KCNH5: variants seen among roughly 807,000 people sequenced by gnomAD.
The protein encoded by KCNH5 is potassium voltage-gated channel subfamily H member 5, also known as voltage-gated delayed rectifier potassium channel KCNH5.
A neutral mutation model predicts 96.1 loss-of-function variants in KCNH5; 46 were observed. That is an observed-to-expected ratio of 0.48 (90% CI 0.38 to 0.61). The LOEUF (loss-of-function observed/expected upper bound fraction) is 0.61. Among genes scored for constraint, KCNH5 ranks in the 20% least tolerant of loss-of-function variants. The pLI, the probability that KCNH5 is intolerant of heterozygous loss-of-function variation, is 0.00. For missense variants in KCNH5, 907 were observed against 1,225.8 expected, an observed-to-expected ratio of 0.74 and a Z score of 3.88; for synonymous variants, 439 against 449.8, an observed-to-expected ratio of 0.98 and a Z score of 0.30.
intron 8 of KCNH5, among the ~76,000 whole-genome samples, chr14:62,818,262 G>C (rs1239559794): frequency 6.6e-6 from 1 of 151,966 alleles, no homozygotes; most frequent in East Asian, 1.9e-4. Context: ...GTAACTGTGT[G>C]AGATGATAGA....
At chr14:62,979,334 C>A (rs1035510751) in intron 6 of KCNH5, among the ~76,000 whole-genome samples, 4 of 151,678 alleles carry the variant, frequency 2.6e-5, no homozygotes, top group African/African-American at 4.8e-5. Flanking sequence ...GGACTCAAAA[C>A]TTGGAAAATG....
chr14:62,762,552 C>A (rs116023426), intron 10 of KCNH5, among the ~76,000 whole-genome samples: 5,555 of 152,188 alleles, frequency 0.037, 152 homozygotes, highest in African/African-American at 0.073. Context: ...CATGTGCAAA[C>A]CTCACCACCA....
chr14:62,757,905 G>A (rs1885658674), intron 10 of KCNH5, among the ~76,000 whole-genome samples: 1 of 152,126 alleles, frequency 6.6e-6, no homozygotes, highest in South Asian at 2.1e-4. Flanking sequence ...CAGCACTTCG[G>A]GAGGCTACGG....
At chr14:63,041,994 A>G (rs1437741919) in intron 1 of KCNH5, among the ~76,000 whole-genome samples, 3 of 152,078 alleles carry the variant, frequency 2.0e-5, no homozygotes, top group African/African-American at 7.2e-5. Context: ...TTTTTGTTTC[A>G]CATCATCAAA....
intron 10 of KCNH5, among the ~76,000 whole-genome samples, chr14:62,722,880 G>T (rs534677234): frequency 1.2e-4 from 18 of 152,158 alleles, no homozygotes; most frequent in Non-Finnish European, 2.2e-4. Context: ...GCCGAGCTCT[G>T]ACTGAAACCC....
chr14:62,907,802 G>A lies in KCNH5; in HGVS notation c.1369+42331C>T, dbSNP rs561930425. Among the ~76,000 whole-genome samples the A allele has an allele frequency of 3.3e-4, 50 of 152,210 alleles. 1 individual carries two copies. The highest frequency in any genetic ancestry group is 3.0e-3 in the Admixed American group (46 of 15,294). On this transcript the variant is annotated intron_variant, in intron 7 of 10. Transcript: ENST00000322893. ...TGGAGCGGCAAGTGACAAGCACAAA[G>A]CAGAGCAGCATGTGCAACTTGCTCT...
chr14:62,930,960 A>AG (rs1375831954), intron 7 of KCNH5, among the ~76,000 whole-genome samples: 3 of 152,156 alleles, frequency 2.0e-5, no homozygotes, highest in Admixed American at 2.0e-4. Flanking sequence ...CAACCTACAT[A>AG]ATGACACAGT....
In KCNH5 at chr14:62,702,543, T is replaced by C. The variant is rs1198742855; in HGVS notation, c.*4965A>G. ...TGGACAAGTTCCTTAACCTATACCT[T>C]CATGGGGTTGCTGCAAGAATTAAAT... On this transcript the variant is annotated 3_prime_UTR_variant, in exon 11 of 11. Coordinates refer to ENST00000322893, the MANE Select transcript of KCNH5 (RefSeq NM_139318.5). The C allele has an allele frequency of 2.6e-5, 4 of 151,958 alleles. No homozygotes were observed. Among genetic ancestry groups the C allele is most frequent in the African/African-American group, 9.7e-5 (4 of 41,422 alleles). 9.4% of individuals were successfully genotyped at this position (151,958 alleles called of 1,614,324 possible).
At chr14:62,802,790 C>T (rs1886691183) in intron 8 of KCNH5, among the ~76,000 whole-genome samples, 1 of 152,094 alleles carries the variant, frequency 6.6e-6, no homozygotes, top group South Asian at 2.1e-4. Context: ...AGCATATGGA[C>T]CATGACAATG....
At chr14:62,764,876 A>G (rs1204576816) in intron 10 of KCNH5, among the ~76,000 whole-genome samples, 1 of 152,236 alleles carries the variant, frequency 6.6e-6, no homozygotes, top group African/African-American at 2.4e-5. Flanking sequence ...CAGAAATGAT[A>G]CAAACAAATG....
At chr14:62,994,643 C>A (rs1163933993) in intron 4 of KCNH5, among the ~76,000 whole-genome samples, 1 of 151,954 alleles carries the variant, frequency 6.6e-6, no homozygotes, top group East Asian at 1.9e-4. Context: ...GTATTCTCAA[C>A]CTGTGCTTCA....
Position 63,016,901 on chromosome 14 carries a change from T to C in KCNH5, c.127A>G (p.Ser43Gly). The change falls in exon 2 of 11, where the codon AGT (serine) becomes GGT (glycine). Residue 43 changes from serine (S) to glycine (G), a missense_variant. Transcript: ENST00000322893. ...AQIVDWPVVYSNDGFCKLSGY... is the reference protein window; with the variant it reads ...AQIVDWPVVYGNDGFCKLSGY... ...GAGAGTTTACAAAAACCGTCATTAC[T>C]ATAAACTACAGGCCAATCCACAATC... 3 of 1,610,690 alleles carry C rather than the reference T, an allele frequency of 1.9e-6. No homozygotes were observed. Among genetic ancestry groups the C allele is most frequent in the Non-Finnish European group, 2.5e-6 (3 of 1,178,046 alleles).
At chr14:62,741,648 G>A (rs1885273406) in intron 10 of KCNH5, among the ~76,000 whole-genome samples, 3 of 152,052 alleles carry the variant, frequency 2.0e-5, no homozygotes, top group African/African-American at 7.2e-5. Context: ...TATTGCCACA[G>A]AGAGAGAAAG....
chr14:62,965,070 A>AAT (rs946719181), intron 6 of KCNH5, among the ~76,000 whole-genome samples: 53 of 152,080 alleles, frequency 3.5e-4, no homozygotes, highest in African/African-American at 8.9e-4. Flanking sequence ...GGAGTACCTC[A>AAT]ATATATATAT....
chr14:62,792,727 C>G (rs1886459495), intron 9 of KCNH5, among the ~76,000 whole-genome samples: 1 of 151,556 alleles, frequency 6.6e-6, no homozygotes, highest in South Asian at 2.1e-4. Context: ...CTACCTCATT[C>G]AATTAACGAA....
chr14:63,037,776 A>T (rs1891750316), intron 1 of KCNH5, among the ~76,000 whole-genome samples: 1 of 152,190 alleles, frequency 6.6e-6, no homozygotes, highest in Non-Finnish European at 1.5e-5. Flanking sequence ...CATACTGCAC[A>T]GGGCTGTAAG....
chr14:62,744,173 G>T (rs1466022078), intron 10 of KCNH5, among the ~76,000 whole-genome samples: 1 of 152,062 alleles, frequency 6.6e-6, no homozygotes, highest in Non-Finnish European at 1.5e-5. Context: ...AGCTCTACGG[G>T]ATGTATTATA....
chr14:62,955,879 G>C (rs552002503), intron 6 of KCNH5, among the ~76,000 whole-genome samples: 67 of 152,238 alleles, frequency 4.4e-4, no homozygotes, highest in Middle Eastern at 3.4e-3. Flanking sequence ...CTGAAGATCA[G>C]ACAGGTTGAA....
chr14:63,034,909 G>GA (rs1891694032), intron 1 of KCNH5, among the ~76,000 whole-genome samples: 2 of 152,072 alleles, frequency 1.3e-5, no homozygotes, highest in South Asian at 4.1e-4. Context: ...TTTTGTTCAT[G>GA]AAAAAATGAG....
Sources: gnomAD v4.1 joint callset for allele counts (sites outside exome capture counted in the v4.1 genomes callset) on GRCh38, gnomAD v4.1.1 for gene constraint, MANE v1.5 for transcripts, NCBI Gene and HGNC (gene_info 2026-07-23, HGNC 2026-07-21) for gene names.